ARAP2: variants seen among roughly 807,000 people sequenced by gnomAD.
The protein encoded by ARAP2 is arf-GAP with Rho-GAP domain, ANK repeat and PH domain-containing protein 2.
A neutral mutation model predicts 194.5 loss-of-function variants in ARAP2; 148 were observed. The observed-to-expected ratio is 0.76, with a 90% CI of 0.67 to 0.87. The LOEUF (loss-of-function observed/expected upper bound fraction) is 0.87. Ranked by LOEUF, ARAP2 falls within the 40% of genes least tolerant of loss-of-function variation. The pLI is 0.00. For synonymous variants in ARAP2, 695 were observed against 683.5 expected (o/e 1.02, Z -0.26); for missense variants, 2,128 against 1,989.7 (o/e 1.07, Z -1.32).
intron 9 of ARAP2, among the ~76,000 whole-genome samples, chr4:36,167,949 C>T (rs1164415176): frequency 6.6e-6 from 1 of 151,202 alleles, no homozygotes; most frequent in Non-Finnish European, 1.5e-5. Flanking sequence ...TAAATTCAGA[C>T]TAAATGTGCT....
intron 8 of ARAP2, among the ~76,000 whole-genome samples, chr4:36,014,848 G>C (rs1262247368): frequency 6.6e-6 from 1 of 152,118 alleles, no homozygotes; most frequent in African/African-American, 2.4e-5. Context: ...AGAAGAGGAA[G>C]AGAGACTCAT....
intron 9 of ARAP2, among the ~76,000 whole-genome samples, chr4:36,167,943 T>C (rs1735664468): frequency 6.6e-6 from 1 of 151,924 alleles, no homozygotes; most frequent in Non-Finnish European, 1.5e-5. Flanking sequence ...TTTGAATAAA[T>C]TCAGACTAAA....
intron 18 of ARAP2, 92 bp from the exon 19 acceptor site, chr4:36,147,451 G>GT: frequency 6.4e-7 from 1 of 1,559,018 alleles, no homozygotes; most frequent in East Asian, 2.2e-5. Context: ...TTAGTCATAA[G>GT]TTTGGGAGTA....
chr4:36,158,625 G>A (rs1733149581), intron 15 of ARAP2, 105 bp downstream of exon 15: 4 of 937,270 alleles, frequency 4.3e-6, no homozygotes, highest in African/African-American at 3.5e-5. Flanking sequence ...TCTCTACTTG[G>A]AGATCAAATC....
chr4:36,191,990 A>G (rs1560630562), intron 7 of ARAP2, among the ~76,000 whole-genome samples: 1 of 152,114 alleles, frequency 6.6e-6, no homozygotes, highest in Non-Finnish European at 1.5e-5. Flanking sequence ...GCCCAACCAC[A>G]TGCTCCTCAA....
chr4:36,241,810 G>A (rs2109387854), intron 1 of ARAP2, among the ~76,000 whole-genome samples: 1 of 152,216 alleles, frequency 6.6e-6, no homozygotes, highest in African/African-American at 2.4e-5. Flanking sequence ...AATACATGGA[G>A]AAGTGGCCCC....
At chr4:36,115,230 C>CT (rs1017170969) in intron 25 of ARAP2, among the ~76,000 whole-genome samples, 1 of 151,824 alleles carries the variant, frequency 6.6e-6, no homozygotes, top group African/African-American at 2.4e-5. Context: ...AAATTTAGTG[C>CT]TTTTTTGGAA....
At chr4:36,074,821 T>C (rs1334982045) in intron 31 of ARAP2, among the ~76,000 whole-genome samples, 3 of 152,120 alleles carry the variant, frequency 2.0e-5, no homozygotes, top group Non-Finnish European at 4.4e-5. Flanking sequence ...TTTAAACAAA[T>C]ATTTACTGTC....
At chr4:36,069,242 T>C (rs1726242042) in intron 32 of ARAP2, among the ~76,000 whole-genome samples, 1 of 152,176 alleles carries the variant, frequency 6.6e-6, no homozygotes, top group Non-Finnish European at 1.5e-5. Context: ...ATGAATATAA[T>C]GTACAAATAA....
intron 11 of ARAP2, among the ~76,000 whole-genome samples, chr4:36,162,138 AAAT>A (rs1560566383): frequency 4.3e-5 from 2 of 46,164 alleles, no homozygotes; most frequent in African/African-American, 1.8e-4. Context: ...ACACTTACTT[AAAT>A]ATATATATAT....
intron 23 of ARAP2, among the ~76,000 whole-genome samples, chr4:36,120,852 T>C (rs1722500831): frequency 1.3e-5 from 2 of 151,630 alleles, no homozygotes; most frequent in Non-Finnish European, 1.5e-5. Flanking sequence ...TATTAATGAA[T>C]TGTTCATTTT....
intron 20 of ARAP2, 25 bp from the exon 21 acceptor site, chr4:36,128,770 A>G: frequency 1.3e-6 from 2 of 1,548,796 alleles, no homozygotes; most frequent in South Asian, 2.4e-5. Flanking sequence ...AAAAAGTTAT[A>G]CTTTAAAAGT....
At chr4:36,217,392 C>G (rs1271842503) in intron 2 of ARAP2, among the ~76,000 whole-genome samples, 1 of 152,108 alleles carries the variant, frequency 6.6e-6, no homozygotes, top group African/African-American at 2.4e-5. Context: ...GCACGCCAGG[C>G]ACCTGTGATC....
At position 36,148,471 on chromosome 4, in the gene ARAP2, T is replaced by C; in HGVS notation, c.2934A>G (p.Glu978=). 1 of 1,613,186 alleles carries C rather than the reference T, an allele frequency of 6.2e-7. No individual in the cohort carries two copies. The highest frequency in any genetic ancestry group is 8.5e-7 in the Non-Finnish European group (1 of 1,179,448). Residue 978 remains glutamate, a synonymous_variant, in exon 17 of 33, where the codon GAA becomes GAG. Transcript: ENST00000303965. ...TTTCAGCTCCAAATAAAAACACACG[T>C]TCGGAGGGTAAGTAGATCTCAAAGA... ...IFIFEIYLPS[E]RVFLFGAETS... is the part of the protein sequence containing the mutation.
chr4:36,224,301 T>A lies in ARAP2; in HGVS notation c.905+4281A>T, dbSNP rs28369468. Reference sequence around the variant, plus strand: ...ACTATGGGTCATTCTAGAGTGAAATTAAAAAAAAAAAACACAATCATTAGG... The same window carrying A: ...ACTATGGGTCATTCTAGAGTGAAATAAAAAAAAAAAAACACAATCATTAGG... On this transcript the variant is annotated intron_variant, in intron 2 of 32. Coordinates refer to ENST00000303965, the MANE Select transcript of ARAP2 (RefSeq NM_015230.4). 5.5e-5 allele frequency among the ~76,000 whole-genome samples: 8 copies of A among 145,928 alleles called. No homozygotes were observed. In the East Asian group the frequency reaches 1.0e-3, roughly 18 times the overall value.
chr4:36,185,588 G>A (rs1740343685), intron 8 of ARAP2, among the ~76,000 whole-genome samples: 1 of 151,834 alleles, frequency 6.6e-6, no homozygotes, highest in South Asian at 2.1e-4. Flanking sequence ...TATGTGCCAG[G>A]AATCTAGCAG....
intron 2 of ARAP2, among the ~76,000 whole-genome samples, chr4:36,057,131 A>G (rs1446408932): frequency 6.6e-6 from 1 of 151,748 alleles, no homozygotes; most frequent in Admixed American, 6.6e-5. Context: ...TCTTTCAAGG[A>G]ATATTTTAAG....
chr4:36,212,604 T>A, intron 4 of ARAP2, 117 bp from the exon 5 acceptor site: 1 of 594,938 alleles, frequency 1.7e-6, no homozygotes, highest in Non-Finnish European at 2.9e-6. Flanking sequence ...TTAGTTTTAT[T>A]AAATAAGTCT....
At chr4:36,163,538 A>G (rs4832796) in intron 11 of ARAP2, among the ~76,000 whole-genome samples, 126,071 of 152,118 alleles carry the variant, frequency 0.83, 52,312 homozygotes, top group East Asian at 0.92. Context: ...AATGAAAAAA[A>G]ACCTATGCAC....
Sources: gnomAD v4.1 joint callset for allele counts (sites outside exome capture counted in the v4.1 genomes callset) on GRCh38, gnomAD v4.1.1 for gene constraint, MANE v1.5 for transcripts, NCBI Gene and HGNC (gene_info 2026-07-23, HGNC 2026-07-21) for gene names.